The following PRORP variants were observed in gnomAD, a reference collection of about 807,000 sequenced individuals.
PRORP encodes the protein mitochondrial ribonuclease P catalytic subunit.
PRORP carries 51 observed loss-of-function variants against 59.4 expected under a neutral mutation model. The observed-to-expected ratio is 0.86, with a 90% CI of 0.69 to 1.08. PRORP has a LOEUF of 1.08. Ranked by LOEUF, PRORP falls within the 50% of genes least tolerant of loss-of-function variation. The pLI, the probability that PRORP is intolerant of heterozygous loss-of-function variation, is 0.00. For missense variants in PRORP, 646 were observed against 690.3 expected (o/e 0.94, Z 0.72); for synonymous variants, 231 against 245.6 (o/e 0.94, Z 0.55).
At chr14:35,198,899 G>T (rs1326387219) in intron 5 of PRORP, among the ~76,000 whole-genome samples, 1 of 152,224 alleles carries the variant, frequency 6.6e-6, no homozygotes, top group Non-Finnish European at 1.5e-5. Context: ...GGGCGTGGTG[G>T]CTTACGCCTG....
intron 4 of PRORP, among the ~76,000 whole-genome samples, chr14:35,146,088 C>T (rs1314011623): frequency 6.6e-6 from 1 of 152,090 alleles, no homozygotes; most frequent in Non-Finnish European, 1.5e-5. Flanking sequence ...GCCTCGGCCT[C>T]CCAAAGTGCT....
Position 35,203,025 on chromosome 14 carries a change from GTGT to G in PRORP, c.1275+22249_1275+22251del, listed in dbSNP as rs531109995. On this transcript the variant is annotated intron_variant, in intron 5 of 7. Coordinates refer to ENST00000534898, the MANE Select transcript of PRORP (RefSeq NM_014672.4). The stretch of plus-strand genomic sequence containing the variant: ...TGTTGGTTTTTGATATTATGTATTT[GTGT>G]AGTGTTAAATTTTTTTAATAAGAAG... Among the ~76,000 whole-genome samples, 397 of 152,294 alleles carry G rather than the reference GTGT, an allele frequency of 2.6e-3. 3 individuals carry two copies. Among genetic ancestry groups the G allele is most frequent in the African/African-American group, 8.2e-3 (340 of 41,552 alleles).
intron 4 of PRORP, among the ~76,000 whole-genome samples, chr14:35,174,889 C>G (rs966298631): frequency 9.3e-6 from 1 of 107,908 alleles, no homozygotes; most frequent in African/African-American, 3.5e-5. Context: ...CTATCCCTCC[C>G]CCCTCCCCCC....
intron 4 of PRORP, among the ~76,000 whole-genome samples, chr14:35,177,241 G>T (rs1200954576): frequency 6.6e-6 from 1 of 152,110 alleles, no homozygotes; most frequent in Admixed American, 6.5e-5. Flanking sequence ...TTGGTATCAG[G>T]ATGATGTTGG....
chr14:35,158,742 G>T, intron 4 of PRORP: 1 of 379,670 alleles, frequency 2.6e-6, no homozygotes, highest in Non-Finnish European at 5.2e-6. Flanking sequence ...AATCCTATTT[G>T]GTATCAACTA....
chr14:35,145,883 C>CAATG (rs1296158264), intron 4 of PRORP, among the ~76,000 whole-genome samples: 1 of 150,482 alleles, frequency 6.6e-6, no homozygotes, highest in Admixed American at 6.6e-5. Flanking sequence ...GGCTAGAGTG[C>CAATG]AATGGCACCG....
intron 4 of PRORP, among the ~76,000 whole-genome samples, chr14:35,160,479 A>AT (rs1047126679): frequency 1.3e-5 from 2 of 152,094 alleles, no homozygotes; most frequent in African/African-American, 4.8e-5. Flanking sequence ...TCTGCTTCCG[A>AT]TTTTTTTCAC....
intron 4 of PRORP, among the ~76,000 whole-genome samples, chr14:35,138,797 A>AT (rs368407981): frequency 0.21 from 29,263 of 136,724 alleles, 5,347 homozygotes; most frequent in Middle Eastern, 0.35. Context: ...AAAGATATTG[A>AT]TTTTTTTTTT....
At chr14:35,259,710 G>A (rs1465799235) in intron 5 of PRORP, among the ~76,000 whole-genome samples, 5 of 152,000 alleles carry the variant, frequency 3.3e-5, no homozygotes, top group African/African-American at 1.2e-4. Flanking sequence ...GGCCAACATG[G>A]TGAAAATCGG....
At chr14:35,184,095 A>G (rs2048685231) in intron 5 of PRORP, among the ~76,000 whole-genome samples, 1 of 150,528 alleles carries the variant, frequency 6.6e-6, no homozygotes, top group Non-Finnish European at 1.5e-5. Context: ...TACATTACAC[A>G]TTTTTCTCGG....
rs2046992549 is a variant in PRORP at position 35,123,385 on chromosome 14, C to T, written c.140C>T (p.Ser47Phe). 6.2e-7 allele frequency: 1 copy of T among 1,614,136 alleles called. No homozygotes were observed. The highest frequency in any genetic ancestry group is 8.5e-7 in the Non-Finnish European group (1 of 1,180,036). ...CGIRNQQRLFSLKTMSPQNTK... is the reference protein window; with the variant it reads ...CGIRNQQRLFFLKTMSPQNTK... ...ATCAGGAACCAGCAGAGGTTGTTTTCTCTTAAAACAATGTCTCCACAGAAT... is the reference window on the plus strand; with the variant it reads ...ATCAGGAACCAGCAGAGGTTGTTTTTTCTTAAAACAATGTCTCCACAGAAT... The change falls in exon 2 of 8, where the codon TCT (serine) becomes TTT (phenylalanine). Residue 47 changes from serine to phenylalanine, a missense_variant. By Grantham distance (155) the Ser-to-Phe change is radical. Transcript: ENST00000534898.
At chr14:35,157,559 T>A (rs189103023) in intron 4 of PRORP, among the ~76,000 whole-genome samples, 1 of 152,300 alleles carries the variant, frequency 6.6e-6, no homozygotes, top group East Asian at 1.9e-4. Context: ...CCAGCTAATT[T>A]TTGTATTTTT....
intron 4 of PRORP, among the ~76,000 whole-genome samples, chr14:35,154,681 C>T (rs1721125151): frequency 7.1e-6 from 1 of 141,756 alleles, no homozygotes; most frequent in Non-Finnish European, 1.5e-5. Context: ...AACCCAGTTT[C>T]TTCCAATAAA....
At chr14:35,255,496 T>C (rs1319624585) in intron 5 of PRORP, among the ~76,000 whole-genome samples, 1 of 137,938 alleles carries the variant, frequency 7.2e-6, no homozygotes, top group Non-Finnish European at 1.6e-5. Context: ...GAGGAGGTTC[T>C]TCTTAATCTT....
At chr14:35,247,338 T>G (rs2050511126) in intron 5 of PRORP, among the ~76,000 whole-genome samples, 1 of 152,222 alleles carries the variant, frequency 6.6e-6, no homozygotes, top group African/African-American at 2.4e-5. Context: ...CTTACTATTT[T>G]TTCTGCTTCC....
At chr14:35,226,601 G>A (rs950849991) in intron 5 of PRORP, among the ~76,000 whole-genome samples, 2 of 152,172 alleles carry the variant, frequency 1.3e-5, no homozygotes, top group Non-Finnish European at 2.9e-5. Flanking sequence ...GTTGGGGGGA[G>A]TAATAAATAT....
At chr14:35,177,279 C>T (rs886454451) in intron 4 of PRORP, among the ~76,000 whole-genome samples, 7 of 151,860 alleles carry the variant, frequency 4.6e-5, no homozygotes, top group African/African-American at 9.7e-5. Flanking sequence ...GGGAGGATTC[C>T]CTCTTTTTCT....
At chr14:35,257,276 G>A (rs567869338) in intron 5 of PRORP, among the ~76,000 whole-genome samples, 1 of 152,116 alleles carries the variant, frequency 6.6e-6, no homozygotes, top group Non-Finnish European at 1.5e-5. Context: ...TCATGTTGTC[G>A]TGCAACTGTT....
chr14:35,202,968 C>T (rs1255522141), intron 5 of PRORP, among the ~76,000 whole-genome samples: 3 of 152,088 alleles, frequency 2.0e-5, no homozygotes, highest in Non-Finnish European at 4.4e-5. Flanking sequence ...TTGATAGCAC[C>T]AGTTACCTCC....
Sources: allele counts gnomAD v4.1 joint callset (sites outside exome capture counted in the v4.1 genomes callset), GRCh38; gene constraint gnomAD v4.1.1; transcripts MANE v1.5; gene names NCBI Gene and HGNC (gene_info 2026-07-23, HGNC 2026-07-21).